Variants in MTFR1 observed in about 807,000 individuals in gnomAD.
MTFR1 encodes the protein mitochondrial fission regulator 1.
Under a neutral mutation model 38.8 loss-of-function variants are expected in MTFR1, and 28 were observed. That is an observed-to-expected ratio of 0.72 (90% CI 0.53 to 0.99). The LOEUF (loss-of-function observed/expected upper bound fraction) is 0.99, where lower values mean the gene tolerates loss of function less well. Among genes scored for constraint, MTFR1 ranks in the 50% least tolerant of loss-of-function variants. The pLI is 0.00. For missense variants in MTFR1, 358 were observed against 395.5 expected, an observed-to-expected ratio of 0.91 and a Z score of 0.81; for synonymous variants, 145 against 137.0, an observed-to-expected ratio of 1.06 and a Z score of -0.41.
At chr8:65,743,926 A>G (rs1013639146) in intron 3 of MTFR1, among the ~76,000 whole-genome samples, 3 of 151,238 alleles carry the variant, frequency 2.0e-5, no homozygotes, top group Non-Finnish European at 4.4e-5. Context: ...TTTGCTTCCC[A>G]GATTCAAGCA....
chr8:65,744,913 A>G (rs1005641260), intron 3 of MTFR1, among the ~76,000 whole-genome samples: 1 of 152,136 alleles, frequency 6.6e-6, no homozygotes, highest in Non-Finnish European at 1.5e-5. Flanking sequence ...AAAGAGAAAA[A>G]AATGATGCTC....
At chr8:65,693,502 A>G (rs1309841903) in intron 3 of MTFR1, 142 bp from the exon 4 acceptor site, 2 of 634,374 alleles carry the variant, frequency 3.2e-6, no homozygotes, top group East Asian at 2.7e-5. Flanking sequence ...ACTATTAATC[A>G]TGGAGACCTT....
chr8:65,713,533 T>C (rs368113625), downstream of MTFR1, among the ~76,000 whole-genome samples: 2 of 151,774 alleles, frequency 1.3e-5, no homozygotes, highest in East Asian at 1.9e-4. Flanking sequence ...CACCATCCTA[T>C]CAGACTTTAA....
At chr8:65,685,963 C>T (rs1805059821) in intron 3 of MTFR1, among the ~76,000 whole-genome samples, 1 of 151,998 alleles carries the variant, frequency 6.6e-6, no homozygotes, top group South Asian at 2.1e-4. Flanking sequence ...GTGTAGAGAT[C>T]CTAAGGCCAG....
chr8:65,750,476 G>GTGTA (rs1456677297), intron 3 of MTFR1, among the ~76,000 whole-genome samples: 19 of 122,728 alleles, frequency 1.5e-4, no homozygotes, highest in Non-Finnish European at 2.9e-4. Context: ...TAGAATCACT[G>GTGTA]TGTGTGTGTG....
intron 3 of MTFR1, among the ~76,000 whole-genome samples, chr8:65,766,860 T>C (rs929278058): frequency 1.6e-4 from 25 of 152,210 alleles, no homozygotes; most frequent in African/African-American, 5.8e-4. Context: ...GGTGTAATAC[T>C]TAGATATAGG....
At chr8:65,730,511 T>C (rs1055771226) in intron 3 of MTFR1, among the ~76,000 whole-genome samples, 1 of 152,092 alleles carries the variant, frequency 6.6e-6, no homozygotes, top group African/African-American at 2.4e-5. Flanking sequence ...TAATGCCTGA[T>C]GATCTGAAGT....
rs2129058999 is a variant in MTFR1 at position 65,705,010 on chromosome 8, A to G, written c.517+81A>G. 3 of 1,210,382 alleles carry G rather than the reference A, an allele frequency of 2.5e-6. No homozygotes were observed. In the South Asian group the frequency reaches 4.2e-5, roughly 17 times the overall value. 75.0% of individuals were successfully genotyped at this position (1,210,382 alleles called of 1,614,324 possible). ...GCTACTTACTTTAAAATCAATTAGT[A>G]ACAGCTATTGGGGTTCTTAGAAAAC... On this transcript the variant is annotated intron_variant, in intron 5 of 7. Transcript: ENST00000262146.
At chr8:65,706,843 C>A (rs1055565279) in intron 5 of MTFR1, among the ~76,000 whole-genome samples, 167 bp from the exon 6 acceptor site, 1 of 152,168 alleles carries the variant, frequency 6.6e-6, no homozygotes, top group Non-Finnish European at 1.5e-5. Context: ...GAGATTCAGG[C>A]ATTTCTCATG....
intron 3 of MTFR1, among the ~76,000 whole-genome samples, chr8:65,729,354 T>C (rs1205613811): frequency 1.4e-5 from 2 of 146,242 alleles, no homozygotes; most frequent in African/African-American, 5.1e-5. Context: ...GTGAGTTTCG[T>C]TGGTGGTAGC....
chr8:65,774,831 A>G (rs1318111826), downstream of MTFR1, among the ~76,000 whole-genome samples: 1 of 152,188 alleles, frequency 6.6e-6, no homozygotes, highest in Non-Finnish European at 1.5e-5. Context: ...GCTGTTTCTC[A>G]TATCTGCTAA....
chr8:65,723,564 T>G (rs748816014), intron 3 of MTFR1: 1 of 1,583,248 alleles, frequency 6.3e-7, no homozygotes, highest in East Asian at 2.3e-5. Context: ...GGCAATAGAT[T>G]CAGTGTGACG....
At chr8:65,741,888 C>T (rs1807451402) in intron 3 of MTFR1, among the ~76,000 whole-genome samples, 1 of 152,152 alleles carries the variant, frequency 6.6e-6, no homozygotes, top group South Asian at 2.1e-4. Flanking sequence ...TGGGAAAATA[C>T]CCTCTTTTGG....
chr8:65,729,221 T>C (rs1806732846), intron 3 of MTFR1, among the ~76,000 whole-genome samples: 1 of 152,166 alleles, frequency 6.6e-6, no homozygotes, highest in African/African-American at 2.4e-5. Flanking sequence ...AAAGCCATCA[T>C]TAGGGTTCTT....
At chr8:65,753,303 G>C (rs915597700) in intron 3 of MTFR1, among the ~76,000 whole-genome samples, 6 of 152,192 alleles carry the variant, frequency 3.9e-5, no homozygotes, top group African/African-American at 1.4e-4. Flanking sequence ...TCTTGGGAGA[G>C]AGCAGAGGAA....
intron 1 of MTFR1, among the ~76,000 whole-genome samples, chr8:65,661,831 G>A (rs951130782): frequency 1.3e-5 from 2 of 152,002 alleles, no homozygotes; most frequent in African/African-American, 4.8e-5. Context: ...AGGCATGGTG[G>A]CATATGCCTG....
intron 2 of MTFR1, among the ~76,000 whole-genome samples, chr8:65,671,898 T>A (rs1343559029): frequency 2.0e-5 from 3 of 152,234 alleles, no homozygotes; most frequent in Non-Finnish European, 4.4e-5. Context: ...GCACAGTGGC[T>A]TGTACAGTGT....
chr8:65,646,342 A>G (rs1283629296), intron 1 of MTFR1, among the ~76,000 whole-genome samples: 1 of 152,190 alleles, frequency 6.6e-6, no homozygotes, highest in African/African-American at 2.4e-5. Flanking sequence ...GGCCTTTGTC[A>G]TTGCAAAGTT....
At chr8:65,694,197 C>T (rs1443023425) in intron 4 of MTFR1, among the ~76,000 whole-genome samples, 1 of 151,468 alleles carries the variant, frequency 6.6e-6, no homozygotes, top group Non-Finnish European at 1.5e-5. Context: ...GCCTCAGCTT[C>T]CTGAGTAGCT....
Sources: gnomAD v4.1 joint callset for allele counts (sites outside exome capture counted in the v4.1 genomes callset) on GRCh38, gnomAD v4.1.1 for gene constraint, MANE v1.5 for transcripts, NCBI Gene and HGNC (gene_info 2026-07-23, HGNC 2026-07-21) for gene names.